Variants in CNTN4 observed in about 807,000 individuals in gnomAD.
CNTN4 encodes the protein contactin 4, also known as contactin-4.
In CNTN4, 77 loss-of-function variants were observed where a neutral mutation model predicts 122.5. That is an observed-to-expected ratio of 0.63 (90% CI 0.52 to 0.76). The LOEUF (loss-of-function observed/expected upper bound fraction) is 0.76. Among genes scored for constraint, CNTN4 ranks in the 30% least tolerant of loss-of-function variants. The pLI is 0.00. For synonymous variants in CNTN4, 512 were observed against 447.0 expected (o/e 1.15, Z -1.83); for missense variants, 1,256 against 1,259.1 (o/e 1.00, Z 0.04).
chr3:2,582,493 G>A (rs1211605552), intron 4 of CNTN4, among the ~76,000 whole-genome samples: 1 of 152,112 alleles, frequency 6.6e-6, no homozygotes, highest in Non-Finnish European at 1.5e-5. Context: ...GCGGGGAGGG[G>A]CAGTCACTGG....
intron 14 of CNTN4, among the ~76,000 whole-genome samples, chr3:3,002,670 A>G (rs573742925): frequency 6.6e-6 from 1 of 152,308 alleles, no homozygotes; most frequent in South Asian, 2.1e-4. Context: ...GAGAAAATGA[A>G]GTCCCCTTCT....
chr3:2,671,507 GT>G (rs1440246892), intron 4 of CNTN4, among the ~76,000 whole-genome samples: 1 of 151,990 alleles, frequency 6.6e-6, no homozygotes, highest in East Asian at 1.9e-4. Flanking sequence ...TTTTTTCAAG[GT>G]TTTTAACTTC....
At chr3:2,568,945 A>G (rs946838985) in intron 3 of CNTN4, among the ~76,000 whole-genome samples, 33 of 152,184 alleles carry the variant, frequency 2.2e-4, no homozygotes, top group African/African-American at 6.8e-4. Context: ...TTGTAGATCA[A>G]TCCCGAGGTC....
chr3:2,944,570 A>G (rs555630470), intron 13 of CNTN4, among the ~76,000 whole-genome samples: 2 of 152,300 alleles, frequency 1.3e-5, no homozygotes, highest in South Asian at 4.1e-4. Flanking sequence ...TCTATTAAAC[A>G]CCTACCGAAA....
chr3:2,428,880 A>T (rs1338404167), intron 3 of CNTN4, among the ~76,000 whole-genome samples: 1 of 152,168 alleles, frequency 6.6e-6, no homozygotes, highest in Admixed American at 6.5e-5. Flanking sequence ...ACTGAAGCTT[A>T]TGCATGCATC....
At chr3:2,968,952 A>C (rs1172956820) in intron 13 of CNTN4, among the ~76,000 whole-genome samples, 1 of 152,222 alleles carries the variant, frequency 6.6e-6, no homozygotes, top group Non-Finnish European at 1.5e-5. Context: ...CTGGCTTATG[A>C]GGCATTTTTG....
At chr3:2,769,188 G>C (rs1187972927) in intron 6 of CNTN4, among the ~76,000 whole-genome samples, 2 of 152,076 alleles carry the variant, frequency 1.3e-5, no homozygotes, top group Non-Finnish European at 2.9e-5. Flanking sequence ...AGGTGGCCAG[G>C]CACGGTGGCT....
chr3:2,121,282 G>A (rs576599353), intron 2 of CNTN4, among the ~76,000 whole-genome samples: 4 of 152,010 alleles, frequency 2.6e-5, no homozygotes, highest in African/African-American at 7.2e-5. Context: ...GGCAGATCAC[G>A]AGGTCAGAAG....
At chr3:2,519,909 AG>A (rs773523987) in intron 3 of CNTN4, among the ~76,000 whole-genome samples, 24 of 152,254 alleles carry the variant, frequency 1.6e-4, no homozygotes, top group South Asian at 6.2e-4. Flanking sequence ...TACCTAAGAG[AG>A]GGAACCTGTG....
chr3:2,534,935 G>C (rs1278401138), intron 3 of CNTN4, among the ~76,000 whole-genome samples: 1 of 150,562 alleles, frequency 6.6e-6, no homozygotes, highest in African/African-American at 2.4e-5. Flanking sequence ...GAAGTGTGTT[G>C]AGGAGATGGG....
intron 3 of CNTN4, among the ~76,000 whole-genome samples, chr3:2,566,802 C>A (rs962898443): frequency 6.6e-6 from 1 of 152,144 alleles, no homozygotes; most frequent in Non-Finnish European, 1.5e-5. Context: ...TGTAGTAAAT[C>A]CAGGAAGAAC....
intron 3 of CNTN4, among the ~76,000 whole-genome samples, chr3:2,515,396 G>A (rs2077011291): frequency 1.3e-5 from 2 of 152,170 alleles, no homozygotes; most frequent in South Asian, 4.1e-4. Context: ...CCATTTCAAG[G>A]TAGCAGGATA....
At chr3:2,711,677 G>A (rs1427868820) in intron 4 of CNTN4, among the ~76,000 whole-genome samples, 1 of 152,142 alleles carries the variant, frequency 6.6e-6, no homozygotes, top group African/African-American at 2.4e-5. Context: ...TACTCATTTA[G>A]TATCACCTCT....
chr3:2,838,448 A>G (rs1386910394), intron 7 of CNTN4, among the ~76,000 whole-genome samples: 1 of 152,038 alleles, frequency 6.6e-6, no homozygotes, highest in East Asian at 1.9e-4. Flanking sequence ...GGATAAATTA[A>G]TTGTAGAATC....
intron 4 of CNTN4, among the ~76,000 whole-genome samples, chr3:2,710,394 T>C (rs958388461): frequency 2.0e-5 from 3 of 152,192 alleles, no homozygotes; most frequent in African/African-American, 7.2e-5. Flanking sequence ...TTCTGGCTTT[T>C]GTTGTATTTT....
chr3:2,857,089 C>T (rs1035335057), intron 7 of CNTN4, among the ~76,000 whole-genome samples: 2 of 152,148 alleles, frequency 1.3e-5, no homozygotes, highest in African/African-American at 2.4e-5. Flanking sequence ...TGATTTTCTC[C>T]CCAGCAATGG....
chr3:2,258,341 C>A (rs1178131544), intron 2 of CNTN4, among the ~76,000 whole-genome samples: 1 of 152,152 alleles, frequency 6.6e-6, no homozygotes, highest in Non-Finnish European at 1.5e-5. Flanking sequence ...TTGGAACCAA[C>A]CCAAATGCCC....
rs114171587 is a variant in CNTN4 at position 2,307,750 on chromosome 3, C to A, written c.-144-31428C>A. Among the ~76,000 whole-genome samples the A allele has an allele frequency of 8.0e-4, 121 of 152,180 alleles. 1 individual carries two copies. The highest frequency in any genetic ancestry group is 2.8e-3 in the African/African-American group (116 of 41,534). ...ATTTTTATATGTTGAATTAATCTTG[C>A]TTTACTTGAATAATCTGGTCTATAT... On this transcript the variant is annotated intron_variant, in intron 2 of 24. Coordinates refer to ENST00000418658, the MANE Select transcript of CNTN4 (RefSeq NM_175607.3).
At chr3:2,769,371 A>G (rs1171297429) in intron 6 of CNTN4, among the ~76,000 whole-genome samples, 4 of 151,822 alleles carry the variant, frequency 2.6e-5, no homozygotes, top group Non-Finnish European at 4.4e-5. Flanking sequence ...TGGCTGAGGC[A>G]GAAGAATCAC....
Sources: gnomAD v4.1 joint callset for allele counts (sites outside exome capture counted in the v4.1 genomes callset) on GRCh38, gnomAD v4.1.1 for gene constraint, MANE v1.5 for transcripts, NCBI Gene and HGNC (gene_info 2026-07-23, HGNC 2026-07-21) for gene names.